Variants in NEK10 observed in about 807,000 individuals in gnomAD.
The protein encoded by NEK10 is serine/threonine-protein kinase Nek10.
A neutral mutation model predicts 159.8 loss-of-function variants in NEK10; 122 were observed. That is an observed-to-expected ratio of 0.76 (90% CI 0.66 to 0.89). The LOEUF (loss-of-function observed/expected upper bound fraction) is 0.89, where lower values mean the gene tolerates loss of function less well. Ranked by LOEUF, NEK10 falls within the 40% of genes least tolerant of loss-of-function variation. NEK10 has a pLI of 0.00. For missense variants in NEK10, 1,342 were observed against 1,323.1 expected (o/e 1.01, Z -0.22); for synonymous variants, 466 against 457.1 (o/e 1.02, Z -0.25).
chr3:27,297,319 G>A, intron 13 of NEK10, 79 bp from the exon 14 acceptor site: 2 of 916,646 alleles, frequency 2.2e-6, no homozygotes, highest in South Asian at 1.6e-5. Flanking sequence ...TACTCCACAG[G>A]GTATTTTTAT....
intron 5 of NEK10, among the ~76,000 whole-genome samples, chr3:27,323,423 C>T (rs970694689): frequency 3.9e-5 from 6 of 152,108 alleles, no homozygotes; most frequent in African/African-American, 1.4e-4. Context: ...TGTTGTTGGA[C>T]AGGAAGGTGC....
chr3:27,176,869 C>T (rs776765158), intron 26 of NEK10, among the ~76,000 whole-genome samples: 3 of 152,114 alleles, frequency 2.0e-5, no homozygotes, highest in Non-Finnish European at 4.4e-5. Flanking sequence ...TTTATTCTGT[C>T]GATGCAATTA....
chr3:27,226,566 G>T (rs377095166), intron 23 of NEK10, among the ~76,000 whole-genome samples: 2 of 152,114 alleles, frequency 1.3e-5, no homozygotes, highest in South Asian at 2.1e-4. Context: ...TTAACTCTGG[G>T]TCACCTCTTT....
chr3:27,294,969 G>A (rs73147882), intron 15 of NEK10, among the ~76,000 whole-genome samples: 3 of 151,174 alleles, frequency 2.0e-5, no homozygotes, highest in Admixed American at 6.6e-5. Flanking sequence ...ACACACCCCA[G>A]TTCCACTGAG....
intron 32 of NEK10, among the ~76,000 whole-genome samples, chr3:27,120,810 G>A (rs1186870902): frequency 1.3e-5 from 2 of 152,036 alleles, no homozygotes; most frequent in Non-Finnish European, 2.9e-5. Flanking sequence ...GACCGTAAAC[G>A]TTTTTCAACC....
At chr3:27,352,746 G>A in intron 2 of NEK10, 66 bp downstream of exon 2, 1 of 1,101,102 alleles carries the variant, frequency 9.1e-7, no homozygotes. Context: ...TTCTCAAAAA[G>A]CCATTAAATC....
chr3:27,145,134 C>CA (rs11374645), intron 30 of NEK10, among the ~76,000 whole-genome samples: 35,791 of 143,600 alleles, frequency 0.25, 4,486 homozygotes, highest in Middle Eastern at 0.38. Context: ...GACTGTTCAC[C>CA]AAAAAAAAAA....
intron 18 of NEK10, 37 bp downstream of exon 18, chr3:27,291,225 T>A (rs368549319): frequency 1.2e-4 from 188 of 1,596,632 alleles, no homozygotes; most frequent in Non-Finnish European, 1.5e-4. Flanking sequence ...CCGGTTTGGT[T>A]GGGAGTATCA....
At chr3:27,310,733 A>G (rs1246079828) in intron 9 of NEK10, 1 of 413,966 alleles carries the variant, frequency 2.4e-6, no homozygotes. Flanking sequence ...AAAAAAAAGA[A>G]AAGAGTTCCA....
At chr3:27,261,177 T>A (rs1296316691) in intron 22 of NEK10, among the ~76,000 whole-genome samples, 8 of 152,232 alleles carry the variant, frequency 5.3e-5, no homozygotes, top group African/African-American at 1.7e-4. Flanking sequence ...TACCAGCTCC[T>A]GGATTCATTG....
chr3:27,351,543 C>A (rs2047971939), intron 3 of NEK10, among the ~76,000 whole-genome samples: 1 of 152,084 alleles, frequency 6.6e-6, no homozygotes, highest in African/African-American at 2.4e-5. Flanking sequence ...AAGCAGCGGG[C>A]ACATAGAAAG....
chr3:27,284,777 C>T, intron 21 of NEK10, 63 bp downstream of exon 21: 1 of 1,539,752 alleles, frequency 6.5e-7, no homozygotes, highest in Non-Finnish European at 9.0e-7. Context: ...TACTGCACGT[C>T]TTTAAGAAGC....
intron 23 of NEK10, among the ~76,000 whole-genome samples, chr3:27,248,936 A>G (rs1469206696): frequency 6.6e-6 from 1 of 152,116 alleles, no homozygotes; most frequent in Admixed American, 6.5e-5. Flanking sequence ...GGTCTGTCCA[A>G]TGCTATGGGG....
intron 25 of NEK10, among the ~76,000 whole-genome samples, chr3:27,193,422 T>C (rs1949283579): frequency 6.6e-6 from 1 of 152,070 alleles, no homozygotes; most frequent in Non-Finnish European, 1.5e-5. Flanking sequence ...CATGGTCCAA[T>C]AGGATAAAAT....
intron 30 of NEK10, among the ~76,000 whole-genome samples, chr3:27,145,046 T>G (rs1254530907): frequency 6.6e-6 from 1 of 152,028 alleles, no homozygotes; most frequent in African/African-American, 2.4e-5. Context: ...ATGTTAGCCA[T>G]AACATTTTGT....
intron 28 of NEK10, 24 bp from the exon 29 acceptor site, chr3:27,171,897 C>A: frequency 1.2e-6 from 2 of 1,600,668 alleles, no homozygotes; most frequent in Non-Finnish European, 1.7e-6. Flanking sequence ...ATAGAAATAA[C>A]TTTACATTAT....
intron 23 of NEK10, among the ~76,000 whole-genome samples, chr3:27,204,047 G>A (rs1437588926): frequency 6.6e-6 from 1 of 151,944 alleles, no homozygotes; most frequent in Non-Finnish European, 1.5e-5. Context: ...CACAGAAAAT[G>A]TCTTTGGCTC....
intron 31 of NEK10, among the ~76,000 whole-genome samples, chr3:27,136,621 G>T (rs1166225504): frequency 6.6e-6 from 1 of 152,164 alleles, no homozygotes; most frequent in Non-Finnish European, 1.5e-5. Context: ...TGGGGTTCCA[G>T]CAATAGAAGT....
At position 27,345,951 on chromosome 3, in the gene NEK10, A is replaced by G. The variant is rs1040266065; in HGVS notation, c.263+135T>C. 6 of 763,594 alleles carry G rather than the reference A, an allele frequency of 7.9e-6. No individual in the cohort carries two copies. The African/African-American group carries it at 1.1e-4, about 14-fold the overall frequency. 47.3% of individuals were successfully genotyped at this position (763,594 alleles called of 1,614,324 possible). A position where few individuals can be genotyped will look rare whatever the true frequency, so the allele number is the denominator to read the frequency against. Reference sequence around the variant, plus strand: ...CTGGGAATGGTTTAAGCACTAACTGAAAATATTAAATTAAGAATCGCTATG... The same window carrying G: ...CTGGGAATGGTTTAAGCACTAACTGGAAATATTAAATTAAGAATCGCTATG... On this transcript the variant is annotated intron_variant, in intron 4 of 35. Coordinates refer to ENST00000691995, the MANE Select transcript of NEK10 (RefSeq NM_001394966.1).
Sources: allele counts gnomAD v4.1 joint callset (sites outside exome capture counted in the v4.1 genomes callset), GRCh38; gene constraint gnomAD v4.1.1; transcripts MANE v1.5; gene names NCBI Gene and HGNC (gene_info 2026-07-23, HGNC 2026-07-21).